VGLL4: variants seen among roughly 807,000 people sequenced by gnomAD.
The protein encoded by VGLL4 is vestigial like family member 4, also known as transcription cofactor vestigial-like protein 4.
A neutral mutation model predicts 21.0 loss-of-function variants in VGLL4; 7 were observed. The ratio of observed to expected loss-of-function variants is 0.33; its 90% CI spans 0.19 to 0.63. The LOEUF (loss-of-function observed/expected upper bound fraction) is 0.63. Ranked by LOEUF, VGLL4 falls within the 20% of genes least tolerant of loss-of-function variation. The pLI, the probability that VGLL4 is intolerant of heterozygous loss-of-function variation, is 0.78. For missense variants in VGLL4, 394 were observed against 425.7 expected (o/e 0.93, Z 0.66); for synonymous variants, 222 against 173.2 (o/e 1.28, Z -2.21).
intron 1 of VGLL4, among the ~76,000 whole-genome samples, chr3:11,607,729 T>C (rs753327525): frequency 5.3e-5 from 8 of 152,312 alleles, no homozygotes; most frequent in Non-Finnish European, 1.0e-4. Context: ...GAACAGGCAT[T>C]TGTGAATTTC....
intron 1 of VGLL4, among the ~76,000 whole-genome samples, chr3:11,704,845 A>C (rs1306296197): frequency 6.6e-6 from 1 of 152,228 alleles, no homozygotes; most frequent in Non-Finnish European, 1.5e-5. Flanking sequence ...AAAATGTGCA[A>C]AGCGTCAAAA....
chr3:11,696,923 T>C (rs2125399194), intron 2 of VGLL4, among the ~76,000 whole-genome samples: 1 of 152,206 alleles, frequency 6.6e-6, no homozygotes, highest in East Asian at 1.9e-4. Context: ...TTAAATTTTT[T>C]GTAGAGATGG....
intron 2 of VGLL4, among the ~76,000 whole-genome samples, chr3:11,677,305 G>A: frequency 6.6e-6 from 1 of 151,200 alleles, no homozygotes; most frequent in South Asian, 2.1e-4. Flanking sequence ...AGGGTCTCAC[G>A]CTGTCGTCCA....
chr3:11,678,822 A>T (rs1413787054), intron 2 of VGLL4, among the ~76,000 whole-genome samples: 1 of 152,250 alleles, frequency 6.6e-6, no homozygotes, highest in Non-Finnish European at 1.5e-5. Flanking sequence ...TTGTAAGTAC[A>T]GTCATGCCCT....
chr3:11,592,481 C>T (rs56203378), intron 2 of VGLL4, among the ~76,000 whole-genome samples: 5 of 152,082 alleles, frequency 3.3e-5, no homozygotes, highest in Admixed American at 1.3e-4. Flanking sequence ...ACTAACGTCC[C>T]GGGGCCTCCA....
At chr3:11,695,223 C>A (rs1575538731) in intron 2 of VGLL4, among the ~76,000 whole-genome samples, 1 of 151,654 alleles carries the variant, frequency 6.6e-6, no homozygotes, top group Non-Finnish European at 1.5e-5. Flanking sequence ...CTAATTTTTG[C>A]ATTTTTAGTA....
intron 2 of VGLL4, among the ~76,000 whole-genome samples, chr3:11,683,548 G>C (rs1050358896): frequency 2.6e-5 from 4 of 152,094 alleles, no homozygotes; most frequent in African/African-American, 9.7e-5. Flanking sequence ...CTCATCAATC[G>C]ATGAGTGGAT....
chr3:11,688,664 A>C (rs1220194561), intron 2 of VGLL4, among the ~76,000 whole-genome samples: 1 of 149,812 alleles, frequency 6.7e-6, no homozygotes, highest in Non-Finnish European at 1.5e-5. Context: ...TTTAGAAAAC[A>C]GTTTTTGGTT....
chr3:11,570,426 G>A (rs566710845), intron 2 of VGLL4, among the ~76,000 whole-genome samples: 1 of 152,344 alleles, frequency 6.6e-6, no homozygotes, highest in South Asian at 2.1e-4. Context: ...CAGTCAGTAA[G>A]CTTCTGAAGC....
chr3:11,634,415 G>A (rs1408141163), intron 1 of VGLL4, among the ~76,000 whole-genome samples: 3 of 152,120 alleles, frequency 2.0e-5, no homozygotes, highest in Admixed American at 1.3e-4. Context: ...TTCCTCTGTG[G>A]CCACCGTCAG....
intron 2 of VGLL4, among the ~76,000 whole-genome samples, chr3:11,573,328 A>C (rs1309260951): frequency 1.8e-3 from 84 of 47,888 alleles, no homozygotes; most frequent in African/African-American, 3.8e-3. Flanking sequence ...AGAAAGAAAG[A>C]AAGAAAGAAA....
intron 2 of VGLL4, among the ~76,000 whole-genome samples, chr3:11,692,122 A>G (rs1200595597): frequency 6.6e-6 from 1 of 152,246 alleles, no homozygotes; most frequent in East Asian, 1.9e-4. Flanking sequence ...GGATTGTGAA[A>G]CATTTGTTTA....
At chr3:11,678,385 T>TA (rs1575523290) in intron 2 of VGLL4, among the ~76,000 whole-genome samples, 2 of 152,332 alleles carry the variant, frequency 1.3e-5, no homozygotes, top group East Asian at 3.9e-4. Context: ...TCACACCACA[T>TA]AAAATGCCTC....
At chr3:11,714,575 A>G (rs914713014) in intron 1 of VGLL4, among the ~76,000 whole-genome samples, 1 of 151,704 alleles carries the variant, frequency 6.6e-6, no homozygotes, top group Admixed American at 6.6e-5. Flanking sequence ...AATACAAAAA[A>G]AAAAAGAAAA....
chr3:11,583,843 A>C (rs544969479), intron 2 of VGLL4, among the ~76,000 whole-genome samples: 1 of 152,288 alleles, frequency 6.6e-6, no homozygotes, highest in South Asian at 2.1e-4. Flanking sequence ...AAGCATACTC[A>C]TATCTCCCCA....
chr3:11,695,570 T>A (rs1169356832), intron 2 of VGLL4, among the ~76,000 whole-genome samples: 1 of 152,166 alleles, frequency 6.6e-6, no homozygotes, highest in African/African-American at 2.4e-5. Context: ...TTAAAGGACA[T>A]GTGGTAGCCA....
Position 11,565,235 on chromosome 3 carries a change from T to C in VGLL4, c.273-216A>G, listed in dbSNP as rs999973823. 2.0e-5 allele frequency among the ~76,000 whole-genome samples: 3 copies of C among 151,998 alleles called. No individual in the cohort carries two copies. The highest frequency in any genetic ancestry group is 4.8e-5 in the African/African-American group (2 of 41,356). On this transcript the variant is annotated intron_variant, in intron 2 of 4. Coordinates refer to ENST00000430365, the MANE Select transcript of VGLL4 (RefSeq NM_001128219.3). The surrounding 1 kb of genome is among the most constrained non-coding windows in gnomAD (Gnocchi z 4.1). The stretch of plus-strand genomic sequence containing the variant: ...AAGCTGCTGCCAGCGGAGTCCAAAG[T>C]CAGCTCCATAGAAGATGGAGCCCCC...
At chr3:11,700,333 T>G (rs2076662527) in intron 2 of VGLL4, among the ~76,000 whole-genome samples, 1 of 152,228 alleles carries the variant, frequency 6.6e-6, no homozygotes, top group Non-Finnish European at 1.5e-5. Flanking sequence ...TTATTATTCC[T>G]AACTAAAGTT....
Position 11,558,454 on chromosome 3 carries a change from T to TAC in VGLL4, c.*101_*102insGT. On this transcript the variant is annotated 3_prime_UTR_variant, in exon 5 of 5. Coordinates refer to ENST00000430365, the MANE Select transcript of VGLL4 (RefSeq NM_001128219.3). ...TTTGCAAATAAACCATCCCTTCCCT[T>TAC]CCCCCCACCCCACCCCCATGATTTT... is the stretch of plus-strand genomic sequence containing the variant. 1.7e-5 allele frequency: 18 copies of TAC among 1,064,146 alleles called. No homozygotes were observed. Among genetic ancestry groups the TAC allele is most frequent in the East Asian group, 3.3e-5 (1 of 30,370 alleles). The allele number at this position is 1,064,146 out of a possible 1,614,324, so 65.9% of individuals were successfully genotyped here.
Sources: allele counts gnomAD v4.1 joint callset (sites outside exome capture counted in the v4.1 genomes callset), GRCh38; gene constraint gnomAD v4.1.1; non-coding constraint Gnocchi (gnomAD v3.1); transcripts MANE v1.5; gene names NCBI Gene and HGNC (gene_info 2026-07-23, HGNC 2026-07-21).